MEAK7: variants seen among roughly 807,000 people sequenced by gnomAD.
MEAK7 encodes the protein MTOR-associated protein MEAK7.
Under a neutral mutation model 40.5 loss-of-function variants are expected in MEAK7, and 68 were observed. The ratio of observed to expected loss-of-function variants is 1.68; its 90% CI spans 1.38 to 2.06. MEAK7 has a LOEUF of 2.06. Among genes scored for constraint, MEAK7 ranks in the 30% most tolerant of loss-of-function variants. The probability of loss-of-function intolerance (pLI) is 0.00; values close to 1 mark genes in which losing one functional copy is unlikely to be tolerated. For synonymous variants in MEAK7, 338 were observed against 231.9 expected, an observed-to-expected ratio of 1.46 and a Z score of -4.16; for missense variants, 918 against 580.5, an observed-to-expected ratio of 1.58 and a Z score of -5.98.
At chr16:84,497,416 T>C (rs929589274) in intron 2 of MEAK7, 8 of 1,286,232 alleles carry the variant, frequency 6.2e-6, no homozygotes, top group African/African-American at 6.1e-5. Flanking sequence ...ATCAAACACA[T>C]ACACATTCTA....
chr16:84,491,377 A>G (rs1463282911), intron 3 of MEAK7, among the ~76,000 whole-genome samples: 1 of 152,114 alleles, frequency 6.6e-6, no homozygotes, highest in African/African-American at 2.4e-5. Flanking sequence ...CGTCTCTACT[A>G]AAAATACAAA....
At chr16:84,499,759 A>G (rs1174957348) in intron 1 of MEAK7, among the ~76,000 whole-genome samples, 1 of 152,196 alleles carries the variant, frequency 6.6e-6, no homozygotes, top group Non-Finnish European at 1.5e-5. Flanking sequence ...TTATATGGCC[A>G]GGCGTGGTGG....
Position 84,479,667 on chromosome 16 carries a change from G to A in MEAK7, c.*246C>T, listed in dbSNP as rs953605002. 11 of 369,832 alleles carry A rather than the reference G, an allele frequency of 3.0e-5. No individual in the cohort carries two copies. Among genetic ancestry groups the A allele is most frequent in the Non-Finnish European group, 3.8e-5 (8 of 207,972 alleles). The allele number at this position is 369,832 out of a possible 1,614,324, so 22.9% of individuals were successfully genotyped here. A position where few individuals can be genotyped will look rare whatever the true frequency, so the allele number is the denominator to read the frequency against. On this transcript the variant is annotated 3_prime_UTR_variant, in exon 8 of 8. Coordinates refer to ENST00000343629, the MANE Select transcript of MEAK7 (RefSeq NM_020947.4). ...CTAATTTGACACAAGATTTCTTGGA[G>A]AGATCCTGAGGGTGACCCTGTAGGG...
rs781528069 is a variant in MEAK7 at position 84,482,612 on chromosome 16, G to A, written c.1057C>T (p.Gln353Ter). The A allele has an allele frequency of 1.9e-5, 31 of 1,614,220 alleles. No homozygotes were observed. In the East Asian group the frequency reaches 6.9e-4, roughly 36 times the overall value. Residue 353 changes from glutamine to a stop codon, truncating the protein, a stop_gained, in exon 6 of 8, where the codon CAG (glutamine) becomes TAG (stop). Transcript: ENST00000343629. LOFTEE classifies it high-confidence loss of function. The stretch of plus-strand genomic sequence containing the variant: ...CTCACCAGTCCGTTCGGGATCGTCT[G>A]CTGTCCATGGTTCAAGTACATGTAG... ...DHYMYLNHGQ[Q>*]TIPNGLGMGG...
chr16:84,496,094 G>C (rs1162918184), intron 2 of MEAK7, among the ~76,000 whole-genome samples, 181 bp from the exon 3 acceptor site: 1 of 152,186 alleles, frequency 6.6e-6, no homozygotes, highest in Non-Finnish European at 1.5e-5. Context: ...CGGAAACTTT[G>C]ATATGCAAAT....
At chr16:84,497,319 G>A (rs905276036) in intron 2 of MEAK7, 4 of 955,344 alleles carry the variant, frequency 4.2e-6, no homozygotes, top group African/African-American at 3.5e-5. Context: ...AAAAACATGG[G>A]CAAATGGGCA....
chr16:84,501,298 G>C (rs559672306), intron 1 of MEAK7, among the ~76,000 whole-genome samples: 1 of 152,184 alleles, frequency 6.6e-6, no homozygotes, highest in African/African-American at 2.4e-5. Context: ...AGAGCGTTGG[G>C]ATCAGCGAGG....
At position 84,477,194 on chromosome 16, in the gene MEAK7, CTT is replaced by C. The variant is rs938355704; in HGVS notation, c.*2717_*2718del. 2.7e-5 allele frequency: 4 copies of C among 146,372 alleles called. No homozygotes were observed. The highest frequency in any genetic ancestry group is 4.5e-5 in the Non-Finnish European group (3 of 66,486). 9.1% of individuals were successfully genotyped at this position (146,372 alleles called of 1,614,324 possible). On this transcript the variant is annotated 3_prime_UTR_variant, in exon 8 of 8. Transcript: ENST00000343629. ...ACAGGCGTGAGCCATCACACCCAGCCTTTTTTTTTTTCTTGAAACGGAGTTTC... is the reference window on the plus strand; with the variant it reads ...ACAGGCGTGAGCCATCACACCCAGCCTTTTTTTTTCTTGAAACGGAGTTTC...
chr16:84,483,965 G>C, intron 5 of MEAK7, among the ~76,000 whole-genome samples: 1 of 152,202 alleles, frequency 6.6e-6, no homozygotes, highest in East Asian at 1.9e-4. Context: ...TGCTTCACTG[G>C]GTTTCAGCAG....
chr16:84,490,528 G>A (rs1009848194), intron 3 of MEAK7, among the ~76,000 whole-genome samples: 1 of 126,822 alleles, frequency 7.9e-6, no homozygotes, highest in African/African-American at 3.0e-5. Flanking sequence ...TTTCTGGTTT[G>A]ATATTTGTGT....
At position 84,486,700 on chromosome 16, in the gene MEAK7, C is replaced by A; in HGVS notation, c.889G>T (p.Glu297Ter). 6.2e-7 allele frequency: 1 copy of A among 1,614,150 alleles called. No homozygotes were observed. The highest frequency in any genetic ancestry group is 1.6e-4 in the Middle Eastern group (1 of 6,062). ...CCGAACACATGCTTGTCATGGTCCT[C>A]GAGGACAGCCACACAGGGTCCCCGG... ...THRGPCVAVLEDHDKHVFGGF... is the reference protein window; with the variant it reads ...THRGPCVAVL The change falls in exon 5 of 8, where the codon GAG becomes TAG. Residue 297 changes from glutamate (E) to a stop codon, truncating the protein, a stop_gained. Transcript: ENST00000343629. LOFTEE classifies it high-confidence loss of function.
rs755845487 is a variant in MEAK7 at position 84,478,339 on chromosome 16, C to G, written c.*1574G>C. 1 of 152,156 alleles carries G rather than the reference C, an allele frequency of 6.6e-6. No homozygotes were observed. The highest frequency in any genetic ancestry group is 1.5e-5 in the Non-Finnish European group (1 of 68,040). 9.4% of individuals were successfully genotyped at this position (152,156 alleles called of 1,614,324 possible). On this transcript the variant is annotated 3_prime_UTR_variant, in exon 8 of 8. Transcript: ENST00000343629. Reference sequence around the variant, plus strand: ...ACTGTCTGAGCGTGCACTTTTCTTTCGAAGGCTAATTTATGAGGCATTCTG... The same window carrying G: ...ACTGTCTGAGCGTGCACTTTTCTTTGGAAGGCTAATTTATGAGGCATTCTG...
chr16:84,493,126 G>C (rs1019236701), intron 3 of MEAK7, among the ~76,000 whole-genome samples: 3 of 152,144 alleles, frequency 2.0e-5, no homozygotes, highest in Admixed American at 1.3e-4. Context: ...AATTCTATGA[G>C]ATTCCTGTGA....
chr16:84,489,333 G>C lies in MEAK7; in HGVS notation c.474C>G (p.Pro158=). The change falls in exon 4 of 8, where the codon CCC becomes CCG. Residue 158 remains proline, a synonymous_variant. Transcript: ENST00000343629. ...CAGCCAGCACCTGCACCCGGGGGTT[G>C]GGCCCTGGGGCTTCCTTCCCAGTCC... ...RGWTGKEAPG[P]NPRVQVLAAQ... 1 of 1,614,194 alleles carries C rather than the reference G, an allele frequency of 6.2e-7. No homozygotes were observed. Among genetic ancestry groups the C allele is most frequent in the South Asian group, 1.1e-5 (1 of 91,086 alleles).
chr16:84,491,764 G>A (rs550499489), intron 3 of MEAK7, among the ~76,000 whole-genome samples: 8 of 151,474 alleles, frequency 5.3e-5, no homozygotes, highest in South Asian at 2.1e-4. Flanking sequence ...CGTGAACCCA[G>A]GAGGCGGAGC....
intron 6 of MEAK7, among the ~76,000 whole-genome samples, chr16:84,482,162 C>A (rs1423911799): frequency 6.6e-6 from 1 of 152,162 alleles, no homozygotes; most frequent in Non-Finnish European, 1.5e-5. Context: ...TGGACAGGAG[C>A]CACGGTCACC....
At chr16:84,498,220 A>C in intron 1 of MEAK7, 109 bp from the exon 2 acceptor site, 1 of 1,292,760 alleles carries the variant, frequency 7.7e-7, no homozygotes, top group Non-Finnish European at 1.1e-6. Context: ...TAGCCACAAA[A>C]TGTAGCTAAA....
chr16:84,492,114 G>A (rs191173187), intron 3 of MEAK7, among the ~76,000 whole-genome samples: 10 of 152,272 alleles, frequency 6.6e-5, no homozygotes, highest in African/African-American at 2.2e-4. Flanking sequence ...TCTAGGCCCA[G>A]GGACTATTGT....
chr16:84,499,246 A>G (rs756680448), intron 1 of MEAK7, among the ~76,000 whole-genome samples: 14 of 152,194 alleles, frequency 9.2e-5, no homozygotes, highest in Non-Finnish European at 5.9e-5. Flanking sequence ...CAAACAAAAA[A>G]TCTCTCAAGA....
Sources: gnomAD v4.1 joint callset for allele counts (sites outside exome capture counted in the v4.1 genomes callset) on GRCh38, gnomAD v4.1.1 for gene constraint, MANE v1.5 for transcripts, NCBI Gene and HGNC (gene_info 2026-07-23, HGNC 2026-07-21) for gene names.